Variants in PLOD2 observed in about 807,000 individuals in gnomAD.
PLOD2 encodes lysine hydroxylase 2.
Under a neutral mutation model 101.0 loss-of-function variants are expected in PLOD2, and 65 were observed. The observed-to-expected ratio is 0.64, with a 90% CI of 0.53 to 0.79. The LOEUF is 0.79. Among genes scored for constraint, PLOD2 ranks in the 30% least tolerant of loss-of-function variants. The probability of loss-of-function intolerance (pLI) is 0.00; values close to 1 mark genes in which losing one functional copy is unlikely to be tolerated. For missense variants in PLOD2, 909 were observed against 914.6 expected (o/e 0.99, Z 0.08); for synonymous variants, 314 against 302.9 (o/e 1.04, Z -0.38).
chr3:146,080,205 G>A (rs1416577903), intron 12 of PLOD2, among the ~76,000 whole-genome samples: 4 of 151,598 alleles, frequency 2.6e-5, no homozygotes, highest in African/African-American at 9.7e-5. Flanking sequence ...CTTGAAAGCA[G>A]ATAGTAACAA....
intron 9 of PLOD2, 87 bp from the exon 10 acceptor site, chr3:146,086,995 G>A: frequency 5.8e-6 from 4 of 693,380 alleles, no homozygotes; most frequent in South Asian, 4.6e-5. Flanking sequence ...TCACATTCAA[G>A]GTCATGAATT....
chr3:146,096,402 C>T (rs1478950574), intron 7 of PLOD2, among the ~76,000 whole-genome samples: 2 of 103,102 alleles, frequency 1.9e-5, no homozygotes, highest in Middle Eastern at 8.2e-3. Flanking sequence ...AAGTGAGGAG[C>T]GTCTCTGCCC....
At position 146,085,207 on chromosome 3, in the gene PLOD2, T is replaced by C. The variant is rs759809648; in HGVS notation, c.1194A>G (p.Thr398=). Residue 398 remains threonine, a synonymous_variant, in exon 11 of 20, where the codon ACA becomes ACG. Coordinates refer to ENST00000282903, the MANE Select transcript of PLOD2 (RefSeq NM_182943.3). The part of the protein sequence containing the change: ...YFSVDADVVL[T]NPRTLKILIE... ...TCAAAATTTTTAAAGTCCTTGGATT[T>C]GTCAAAACAACATCTGCATCCACAC... 6.2e-7 allele frequency: 1 copy of C among 1,603,008 alleles called. No individual in the cohort carries two copies. Among genetic ancestry groups the C allele is most frequent in the Non-Finnish European group, 8.5e-7 (1 of 1,170,336 alleles).
chr3:146,095,303 T>A (rs953312244), intron 7 of PLOD2, among the ~76,000 whole-genome samples: 5 of 150,166 alleles, frequency 3.3e-5, no homozygotes, highest in African/African-American at 7.4e-5. Flanking sequence ...GGGAAAAAAA[T>A]TTTGCTATCT....
chr3:146,095,708 T>A (rs1937125173), intron 7 of PLOD2, among the ~76,000 whole-genome samples: 1 of 152,074 alleles, frequency 6.6e-6, no homozygotes, highest in Non-Finnish European at 1.5e-5. Context: ...CATTACAGGG[T>A]ATATATCCAA....
At chr3:146,145,301 A>T (rs1466066168) in intron 1 of PLOD2, among the ~76,000 whole-genome samples, 1 of 152,212 alleles carries the variant, frequency 6.6e-6, no homozygotes, top group Non-Finnish European at 1.5e-5. Flanking sequence ...AAACCTAGAT[A>T]GGCATGTATT....
chr3:146,122,357 C>T (rs1484423129), intron 2 of PLOD2, among the ~76,000 whole-genome samples: 2 of 152,194 alleles, frequency 1.3e-5, no homozygotes, highest in South Asian at 4.1e-4. Flanking sequence ...CACAACCCAT[C>T]TGGAATCCCT....
chr3:146,154,944 C>T (rs2032229776), intron 1 of PLOD2, among the ~76,000 whole-genome samples: 1 of 152,150 alleles, frequency 6.6e-6, no homozygotes, highest in South Asian at 2.1e-4. Context: ...TGAAAATCTT[C>T]CTTTTGTGTA....
intron 15 of PLOD2, 186 bp downstream of exon 15, chr3:146,076,593 CTGT>C (rs1936346636): frequency 2.3e-6 from 1 of 444,338 alleles, no homozygotes; most frequent in Admixed American, 4.1e-5. Context: ...TCACCCATAT[CTGT>C]TGTTTTTGAC....
intron 4 of PLOD2, among the ~76,000 whole-genome samples, chr3:146,108,368 G>C (rs1294992720): frequency 6.6e-6 from 1 of 151,954 alleles, no homozygotes; most frequent in Non-Finnish European, 1.5e-5. Flanking sequence ...AATTTTAGTA[G>C]AAATGGGATT....
rs577655564 is a variant in PLOD2 at position 146,155,729 on chromosome 3, A to G, written c.109+5152T>C. Among the ~76,000 whole-genome samples the G allele has an allele frequency of 1.7e-3, 265 of 151,678 alleles. 6 individuals carry two copies. Among genetic ancestry groups the G allele is most frequent in the Non-Finnish European group, 4.3e-4 (29 of 67,904 alleles). Reference sequence around the variant, plus strand: ...GACTCTGTCTCAAAAAAAAAAAAAAAAAAGAAAAAAGAAAGAAAATTAGTT... The same window carrying G: ...GACTCTGTCTCAAAAAAAAAAAAAAGAAAGAAAAAAGAAAGAAAATTAGTT... On this transcript the variant is annotated intron_variant, in intron 1 of 19. Coordinates refer to ENST00000282903, the MANE Select transcript of PLOD2 (RefSeq NM_182943.3).
chr3:146,078,471 A>T (rs1288446712), intron 13 of PLOD2, among the ~76,000 whole-genome samples: 8 of 151,910 alleles, frequency 5.3e-5, no homozygotes, highest in Non-Finnish European at 1.2e-4. Flanking sequence ...TAAAACCAAA[A>T]ATCATATCAA....
At chr3:146,080,305 TAATAG>T (rs1181474633) in intron 12 of PLOD2, among the ~76,000 whole-genome samples, 2 of 126,740 alleles carry the variant, frequency 1.6e-5, no homozygotes, top group Non-Finnish European at 3.9e-5. Flanking sequence ...CTAACAACAA[TAATAG>T]AACAACTATA....
At chr3:146,092,112 A>C (rs2108030276) in intron 7 of PLOD2, among the ~76,000 whole-genome samples, 1 of 151,900 alleles carries the variant, frequency 6.6e-6, no homozygotes, top group East Asian at 1.9e-4. Context: ...AATGTCAAAA[A>C]AAAAGTCTTA....
At chr3:146,143,575 T>C (rs1184223548) in intron 1 of PLOD2, among the ~76,000 whole-genome samples, 4 of 152,040 alleles carry the variant, frequency 2.6e-5, no homozygotes, top group South Asian at 2.1e-4. Context: ...TCCCTGTATC[T>C]ACCCTGGCCA....
intron 7 of PLOD2, among the ~76,000 whole-genome samples, chr3:146,100,515 C>G (rs1256535274): frequency 2.6e-5 from 4 of 152,140 alleles, no homozygotes; most frequent in Admixed American, 2.6e-4. Flanking sequence ...ACTACACTGA[C>G]ACCTAAAAGA....
chr3:146,089,819 G>C (rs1242751997), intron 8 of PLOD2, among the ~76,000 whole-genome samples: 1 of 151,448 alleles, frequency 6.6e-6, no homozygotes. Flanking sequence ...TTTAAAAGTA[G>C]GTCACAACTC....
intron 1 of PLOD2, among the ~76,000 whole-genome samples, chr3:146,151,644 T>C (rs2032060610): frequency 2.0e-5 from 3 of 152,196 alleles, no homozygotes; most frequent in African/African-American, 7.2e-5. Context: ...GCCAGATGTG[T>C]GTGTTCTTCC....
Position 146,070,791 on chromosome 3 carries a change from G to C in PLOD2, c.2203C>G (p.Leu735Val). 1 of 1,608,560 alleles carries C rather than the reference G, an allele frequency of 6.2e-7. No individual in the cohort carries two copies. The highest frequency in any genetic ancestry group is 8.5e-7 in the Non-Finnish European group (1 of 1,175,700). Residue 735 changes from leucine (L) to valine (V), a missense_variant, in exon 20 of 20, where the codon CTC becomes GTC. Coordinates refer to ENST00000282903, the MANE Select transcript of PLOD2 (RefSeq NM_182943.3). ...GGAAGTCCTTCATGCAAATGTGTGA[G>C]TCTCCCAGGATGCATGAAGCTCCAG... is the stretch of plus-strand genomic sequence containing the variant. ...KGWSFMHPGR[L>V]THLHEGLPVK... is the part of the protein sequence containing the mutation.
Sources: gnomAD v4.1 joint callset for allele counts (sites outside exome capture counted in the v4.1 genomes callset) on GRCh38, gnomAD v4.1.1 for gene constraint, MANE v1.5 for transcripts, NCBI Gene and HGNC (gene_info 2026-07-23, HGNC 2026-07-21) for gene names.